IFT81: variants seen among roughly 807,000 people sequenced by gnomAD.
The protein encoded by IFT81 is intraflagellar transport 81, also known as intraflagellar transport protein 81 homolog.
Under a neutral mutation model 102.6 loss-of-function variants are expected in IFT81, and 72 were observed. The observed-to-expected ratio is 0.70, with a 90% CI of 0.58 to 0.85. The LOEUF (loss-of-function observed/expected upper bound fraction) is 0.85, where lower values mean the gene tolerates loss of function less well. Ranked by LOEUF, IFT81 falls within the 40% of genes least tolerant of loss-of-function variation. The pLI is 0.00. For missense variants in IFT81, 723 were observed against 787.3 expected (o/e 0.92, Z 0.98); for synonymous variants, 237 against 242.7 (o/e 0.98, Z 0.22).
intron 11 of IFT81, among the ~76,000 whole-genome samples, chr12:110,164,723 G>A (rs1896340531): frequency 6.6e-6 from 1 of 151,958 alleles, no homozygotes; most frequent in African/African-American, 2.4e-5. Flanking sequence ...AAATTCCCTT[G>A]GCTTTTAACA....
At chr12:110,217,686 C>T (rs1226022678) in intron 18 of IFT81, among the ~76,000 whole-genome samples, 2 of 151,914 alleles carry the variant, frequency 1.3e-5, no homozygotes, top group African/African-American at 2.4e-5. Context: ...CTCAGCCTCC[C>T]GAGTAGCTGG....
In IFT81 at chr12:110,174,725, C is replaced by G. The variant is rs866418123; in HGVS notation, c.1189-5697C>G. Among the ~76,000 whole-genome samples the G allele has an allele frequency of 2.6e-5, 4 of 152,246 alleles. No individual in the cohort carries two copies. The South Asian group carries it at 6.2e-4, about 24-fold the overall frequency. ...ATTCTTAGAGAAATAAACTGCCTAT[C>G]CATTACAAAAGCTAGCCCAGATTCT... On this transcript the variant is annotated intron_variant, in intron 11 of 18. Coordinates refer to ENST00000242591, the MANE Select transcript of IFT81 (RefSeq NM_014055.4).
intron 4 of IFT81, among the ~76,000 whole-genome samples, chr12:110,132,315 C>T (rs925620963): frequency 1.3e-4 from 20 of 151,968 alleles, no homozygotes; most frequent in African/African-American, 4.6e-4. Flanking sequence ...CAAAAATTAG[C>T]CGGGCGTGGT....
chr12:110,127,336 T>G (rs888739555), intron 1 of IFT81, 24 bp from the exon 2 acceptor site: 1 of 1,433,550 alleles, frequency 7.0e-7, no homozygotes, highest in Non-Finnish European at 9.1e-7. Context: ...ATTAAGGATT[T>G]TTTTTTCTAT....
At chr12:110,177,583 C>T (rs1378505207) in intron 11 of IFT81, among the ~76,000 whole-genome samples, 2 of 152,194 alleles carry the variant, frequency 1.3e-5, no homozygotes, top group East Asian at 3.8e-4. Context: ...CGCACCTGAC[C>T]AGCTCTTTCA....
chr12:110,205,290 G>A (rs1868469397), intron 15 of IFT81, 153 bp from the exon 16 acceptor site: 2 of 756,300 alleles, frequency 2.6e-6, no homozygotes, highest in African/African-American at 3.6e-5. Context: ...TCTAGAAAAA[G>A]ATTATCTCTT....
intron 11 of IFT81, among the ~76,000 whole-genome samples, chr12:110,177,046 A>T (rs1305125535): frequency 2.0e-5 from 3 of 152,224 alleles, no homozygotes; most frequent in South Asian, 4.1e-4. Context: ...TTACACATTT[A>T]TTCTTTAAAA....
Position 110,218,300 on chromosome 12 carries a change from T to C in IFT81, c.*74T>C. Reference sequence around the variant, plus strand: ...CCTAATCTCATAATGTATTTCTTTTTTGAAACTGATTTGTATAGCATTTTG... The same window carrying C: ...CCTAATCTCATAATGTATTTCTTTTCTGAAACTGATTTGTATAGCATTTTG... On this transcript the variant is annotated 3_prime_UTR_variant, in exon 19 of 19. Transcript: ENST00000242591. 3 of 1,132,122 alleles carry C rather than the reference T, an allele frequency of 2.6e-6. No individual in the cohort carries two copies. The highest frequency in any genetic ancestry group is 2.2e-5 in the South Asian group (1 of 45,978). The allele number at this position is 1,132,122 out of a possible 1,614,324, so 70.1% of individuals were successfully genotyped here.
At chr12:110,141,841 A>ACC (rs1894911756) in intron 8 of IFT81, among the ~76,000 whole-genome samples, 1 of 152,186 alleles carries the variant, frequency 6.6e-6, no homozygotes, top group South Asian at 2.1e-4. Flanking sequence ...CCCAGAATGC[A>ACC]CCACTGCACT....
chr12:110,142,827 G>C (rs1003632479), intron 8 of IFT81, among the ~76,000 whole-genome samples: 1 of 152,044 alleles, frequency 6.6e-6, no homozygotes, highest in Non-Finnish European at 1.5e-5. Context: ...CACTTGAGCT[G>C]TGAAGGTTTA....
intron 8 of IFT81, among the ~76,000 whole-genome samples, chr12:110,139,143 C>CTGGA (rs1894691324): frequency 6.6e-6 from 1 of 151,822 alleles, no homozygotes; most frequent in Non-Finnish European, 1.5e-5. Flanking sequence ...CAAGACCAGC[C>CTGGA]TGGACAACAT....
intron 7 of IFT81, 126 bp downstream of exon 7, chr12:110,135,563 C>A: frequency 1.7e-6 from 1 of 589,056 alleles, no homozygotes; most frequent in Non-Finnish European, 3.0e-6. Context: ...ATGGAATACT[C>A]TTTTAATTAA....
chr12:110,127,981 G>T (rs1893944187), intron 2 of IFT81, 65 bp from the exon 3 acceptor site: 2 of 1,119,568 alleles, frequency 1.8e-6, no homozygotes, highest in African/African-American at 1.5e-5. Flanking sequence ...TTTTGTCAGT[G>T]AGTTTAAATA....
At chr12:110,127,917 T>C in intron 2 of IFT81, 129 bp from the exon 3 acceptor site, 1 of 652,554 alleles carries the variant, frequency 1.5e-6, no homozygotes, top group Non-Finnish European at 2.7e-6. Context: ...GGGGCCTCCA[T>C]CCTTAATCTG....
intron 12 of IFT81, among the ~76,000 whole-genome samples, chr12:110,183,277 A>G (rs986391631): frequency 7.2e-5 from 11 of 152,210 alleles, no homozygotes; most frequent in African/African-American, 2.7e-4. Context: ...AATATGGATC[A>G]GTCCCATTAA....
At chr12:110,177,582 C>A (rs757495010) in intron 11 of IFT81, among the ~76,000 whole-genome samples, 1 of 152,112 alleles carries the variant, frequency 6.6e-6, no homozygotes, top group Non-Finnish European at 1.5e-5. Flanking sequence ...CCGCACCTGA[C>A]CAGCTCTTTC....
At chr12:110,172,839 T>C (rs1374638558) in intron 11 of IFT81, among the ~76,000 whole-genome samples, 2 of 151,122 alleles carry the variant, frequency 1.3e-5, no homozygotes, top group Admixed American at 6.6e-5. Context: ...CGTCTCTGCC[T>C]GGCCGCCCAT....
At chr12:110,146,837 C>A in intron 9 of IFT81, 116 bp from the exon 10 acceptor site, 1 of 1,274,052 alleles carries the variant, frequency 7.8e-7, no homozygotes, top group South Asian at 1.8e-5. Context: ...AAACTGAGAC[C>A]TTGTCTTTAA....
At chr12:110,164,614 G>T (rs967643974) in intron 11 of IFT81, among the ~76,000 whole-genome samples, 1 of 152,104 alleles carries the variant, frequency 6.6e-6, no homozygotes, top group African/African-American at 2.4e-5. Flanking sequence ...TGCTCCCATA[G>T]TACCACTTTT....
Sources: allele counts gnomAD v4.1 joint callset (sites outside exome capture counted in the v4.1 genomes callset), GRCh38; gene constraint gnomAD v4.1.1; transcripts MANE v1.5; gene names NCBI Gene and HGNC (gene_info 2026-07-23, HGNC 2026-07-21).